The following PTPRD variants were observed in gnomAD, a reference collection of about 807,000 sequenced individuals.
PTPRD encodes protein tyrosine phosphatase receptor type D, also known as receptor-type tyrosine-protein phosphatase delta.
In PTPRD, 34 loss-of-function variants were observed where a neutral mutation model predicts 214.5. That is an observed-to-expected ratio of 0.16 (90% CI 0.12 to 0.21). PTPRD has a LOEUF of 0.21. Among genes scored for constraint, PTPRD ranks in the 10% least tolerant of loss-of-function variants. PTPRD has a pLI of 1.00. For missense variants in PTPRD, 2,545 were observed against 2,398.7 expected (o/e 1.06, Z -1.27); for synonymous variants, 1,128 against 845.7 (o/e 1.33, Z -5.79).
intron 10 of PTPRD, among the ~76,000 whole-genome samples, chr9:9,024,334 C>CTTAGTTTTTTTTTTTTTTTTT (rs1169168298): frequency 2.7e-5 from 2 of 72,754 alleles, no homozygotes; most frequent in African/African-American, 9.7e-5. Flanking sequence ...ATTGTCGATT[C>CTTAGTTTTTTTTTTTTTTTTT]TTTGTTTTTT....
intron 2 of PTPRD, among the ~76,000 whole-genome samples, chr9:10,477,051 C>T (rs572325212): frequency 6.6e-6 from 1 of 152,066 alleles, no homozygotes; most frequent in Non-Finnish European, 1.5e-5. Flanking sequence ...CTAGGCAATA[C>T]CATTCAGGAC....
chr9:8,528,361 A>T (rs1266497168), intron 15 of PTPRD: 1 of 597,766 alleles, frequency 1.7e-6, no homozygotes, highest in Admixed American at 3.2e-5. Flanking sequence ...GCAGTGAGCA[A>T]TGTGGATTAA....
At position 9,243,950 on chromosome 9, in the gene PTPRD, T is replaced by C. The variant is rs547404403; in HGVS notation, c.-202-60587A>G. Among the ~76,000 whole-genome samples, 6 of 152,310 alleles carry C rather than the reference T, an allele frequency of 3.9e-5. No homozygotes were observed. In the East Asian group the frequency reaches 1.2e-3, roughly 29 times the overall value. On this transcript the variant is annotated intron_variant, in intron 9 of 45. Transcript: ENST00000381196. ...AAGCAACTTCAGCAAAGTCTCAGGA[T>C]ATAAAATCAATGTGCAAAAATCACA...
chr9:8,838,530 A>C (rs2570293), intron 11 of PTPRD, among the ~76,000 whole-genome samples: 113,051 of 151,846 alleles, frequency 0.74, 42,564 homozygotes, highest in African/African-American at 0.85. Flanking sequence ...GAACTTTGTA[A>C]TATTTTCTAA....
intron 3 of PTPRD, among the ~76,000 whole-genome samples, chr9:10,265,175 C>T (rs967504619): frequency 1.3e-5 from 2 of 152,088 alleles, no homozygotes; most frequent in African/African-American, 2.4e-5. Context: ...GAGAAAATAG[C>T]AAATATGATA....
At chr9:8,798,093 G>C (rs2096485884) in intron 11 of PTPRD, among the ~76,000 whole-genome samples, 1 of 151,994 alleles carries the variant, frequency 6.6e-6, no homozygotes, top group African/African-American at 2.4e-5. Flanking sequence ...TTATAGAATG[G>C]AATTCTCTCC....
chr9:9,838,341 C>T (rs1301577059), intron 5 of PTPRD, among the ~76,000 whole-genome samples: 2 of 151,934 alleles, frequency 1.3e-5, no homozygotes, highest in African/African-American at 2.4e-5. Context: ...GAGGAATCGC[C>T]ACACTGACTT....
At chr9:9,965,407 C>A (rs544132093) in intron 4 of PTPRD, among the ~76,000 whole-genome samples, 1 of 152,146 alleles carries the variant, frequency 6.6e-6, no homozygotes, top group South Asian at 2.1e-4. Context: ...GATAAATAGT[C>A]ACGGATTAGC....
chr9:9,018,989 A>C (rs1371711931), intron 10 of PTPRD, among the ~76,000 whole-genome samples: 1 of 152,148 alleles, frequency 6.6e-6, no homozygotes, highest in Non-Finnish European at 1.5e-5. Context: ...GATAGTTTTA[A>C]AATATTTAAT....
intron 10 of PTPRD, among the ~76,000 whole-genome samples, chr9:9,142,171 C>A (rs1304583447): frequency 1.3e-5 from 2 of 152,206 alleles, no homozygotes; most frequent in Non-Finnish European, 2.9e-5. Flanking sequence ...GGCTCATTAT[C>A]ATTTAAGCTC....
intron 12 of PTPRD, among the ~76,000 whole-genome samples, chr9:8,726,034 C>G (rs1010219884): frequency 1.5e-4 from 22 of 142,754 alleles, no homozygotes; most frequent in African/African-American, 5.5e-4. Context: ...CAGACACACA[C>G]ACACACACAC....
chr9:10,359,631 T>G (rs1419082919), intron 2 of PTPRD, among the ~76,000 whole-genome samples: 5 of 152,114 alleles, frequency 3.3e-5, no homozygotes, highest in African/African-American at 1.2e-4. Context: ...GGGTTGAACA[T>G]AAATCTCGAA....
At chr9:9,286,402 G>T (rs1049664532) in intron 9 of PTPRD, among the ~76,000 whole-genome samples, 1 of 151,706 alleles carries the variant, frequency 6.6e-6, no homozygotes, top group Non-Finnish European at 1.5e-5. Flanking sequence ...TCATAGTTTT[G>T]CTACTACTAG....
At position 8,507,363 on chromosome 9, in the gene PTPRD, G is replaced by A; in HGVS notation, c.1615C>T (p.Pro539Ser). 6.2e-7 allele frequency: 1 copy of A among 1,613,990 alleles called. No individual in the cohort carries two copies. The highest frequency in any genetic ancestry group is 1.1e-5 in the South Asian group (1 of 91,074). ...ETSILLSWTP[P>S]RSDTIANYEL... The stretch of plus-strand genomic sequence containing the variant: ...TAGTTGGCAATGGTATCTGAACGTG[G>A]AGGTGTCCAAGAGAGCAAAATACTT... The change falls in exon 22 of 46, where the codon CCA (proline) becomes TCA (serine). Residue 539 changes from proline (P) to serine (S), a missense_variant. Physicochemically the swap from Pro to Ser is moderately conservative, Grantham distance 74. Coordinates refer to ENST00000381196, the MANE Select transcript of PTPRD (RefSeq NM_002839.4).
At chr9:8,646,278 T>A (rs746140600) in intron 12 of PTPRD, among the ~76,000 whole-genome samples, 6 of 152,344 alleles carry the variant, frequency 3.9e-5, no homozygotes, top group Middle Eastern at 3.4e-3. Flanking sequence ...CACTTTACTA[T>A]GGATCCTTCT....
intron 5 of PTPRD, among the ~76,000 whole-genome samples, chr9:9,774,224 G>T (rs138627263): frequency 8.0e-4 from 122 of 152,232 alleles, no homozygotes; most frequent in Middle Eastern, 3.4e-3. Context: ...AAAACACATG[G>T]AGTTTGATTT....
chr9:10,022,872 A>G (rs2096850787), intron 4 of PTPRD, among the ~76,000 whole-genome samples: 1 of 152,178 alleles, frequency 6.6e-6, no homozygotes. Flanking sequence ...CCATTGAATT[A>G]TATGGTTGTA....
At chr9:9,363,111 C>CTTTTT (rs3048061) in intron 9 of PTPRD, among the ~76,000 whole-genome samples, 1 of 129,858 alleles carries the variant, frequency 7.7e-6, no homozygotes, top group Non-Finnish European at 1.7e-5. Context: ...CTATTTTGTG[C>CTTTTT]TTTTTTTTTT....
chr9:10,477,685 G>A (rs28795164), intron 2 of PTPRD, among the ~76,000 whole-genome samples: 15,122 of 151,950 alleles, frequency 0.1, 920 homozygotes, highest in East Asian at 0.3. Context: ...TGCACACGTA[G>A]GTTATTGCAT....
Sources: allele counts gnomAD v4.1 joint callset (sites outside exome capture counted in the v4.1 genomes callset), GRCh38; gene constraint gnomAD v4.1.1; transcripts MANE v1.5; gene names NCBI Gene and HGNC (gene_info 2026-07-23, HGNC 2026-07-21).